Variants in ERBB4 observed in about 807,000 individuals in gnomAD.
The protein encoded by ERBB4 is erb-b2 receptor tyrosine kinase 4.
Under a neutral mutation model 158.0 loss-of-function variants are expected in ERBB4, and 42 were observed. The ratio of observed to expected loss-of-function variants is 0.27; its 90% CI spans 0.21 to 0.34. ERBB4 has a LOEUF of 0.34. Ranked by LOEUF, ERBB4 falls within the 10% of genes least tolerant of loss-of-function variation. The pLI is 1.00. For synonymous variants in ERBB4, 583 were observed against 558.7 expected, an observed-to-expected ratio of 1.04 and a Z score of -0.61; for missense variants, 1,333 against 1,624.1, an observed-to-expected ratio of 0.82 and a Z score of 3.08.
chr2:212,501,854 T>C (rs1021727764), intron 1 of ERBB4, among the ~76,000 whole-genome samples: 6 of 152,112 alleles, frequency 3.9e-5, no homozygotes, highest in Admixed American at 3.3e-4. Context: ...AAGAAAGCCA[T>C]CGAAATATAA....
intron 16 of ERBB4, among the ~76,000 whole-genome samples, chr2:211,637,963 G>T (rs1412641498): frequency 6.6e-6 from 1 of 151,688 alleles, no homozygotes; most frequent in South Asian, 2.1e-4. Context: ...TTATTTAGGG[G>T]TTTTCATAGA....
At chr2:212,123,744 T>C (rs2079832281) in intron 2 of ERBB4, among the ~76,000 whole-genome samples, 1 of 152,100 alleles carries the variant, frequency 6.6e-6, no homozygotes, top group Non-Finnish European at 1.5e-5. Flanking sequence ...ACATTGAAAA[T>C]ATTTAAATAT....
At chr2:211,432,089 G>C (rs1329368931) in intron 20 of ERBB4, among the ~76,000 whole-genome samples, 1 of 152,148 alleles carries the variant, frequency 6.6e-6, no homozygotes, top group Non-Finnish European at 1.5e-5. Context: ...AGTGTTAGGG[G>C]AAATTCTATA....
chr2:211,540,205 T>TATATACACAC (rs60602351), intron 20 of ERBB4, among the ~76,000 whole-genome samples: 28 of 147,838 alleles, frequency 1.9e-4, no homozygotes, highest in South Asian at 4.3e-4. Context: ...TATATATATA[T>TATATACACAC]ACACACACAC....
intron 3 of ERBB4, among the ~76,000 whole-genome samples, chr2:211,904,882 G>A (rs1163819873): frequency 2.6e-5 from 4 of 152,156 alleles, no homozygotes; most frequent in Admixed American, 2.6e-4. Context: ...TTTTGTTGTT[G>A]TTGTTGTTTA....
chr2:212,234,744 T>G (rs2083793997), intron 1 of ERBB4, among the ~76,000 whole-genome samples: 1 of 152,190 alleles, frequency 6.6e-6, no homozygotes, highest in Non-Finnish European at 1.5e-5. Context: ...GATGATGAGC[T>G]TTTTTCATAT....
intron 1 of ERBB4, among the ~76,000 whole-genome samples, chr2:212,210,102 A>G (rs2082886472): frequency 6.6e-6 from 1 of 151,986 alleles, no homozygotes; most frequent in Non-Finnish European, 1.5e-5. Context: ...TCATCAAATA[A>G]CCTATCATAA....
chr2:211,773,628 A>ATAT (rs1553630460), intron 4 of ERBB4, among the ~76,000 whole-genome samples: 27 of 52,046 alleles, frequency 5.2e-4, no homozygotes, highest in African/African-American at 2.5e-3. Flanking sequence ...ATATATATAT[A>ATAT]TATATATATA....
intron 3 of ERBB4, among the ~76,000 whole-genome samples, chr2:211,856,586 A>G (rs961135016): frequency 1.3e-5 from 2 of 151,556 alleles, no homozygotes; most frequent in Non-Finnish European, 2.9e-5. Flanking sequence ...ACGGGGTTTC[A>G]CCGTGTTAGC....
intron 20 of ERBB4, among the ~76,000 whole-genome samples, chr2:211,549,258 A>G (rs1016230173): frequency 6.6e-6 from 1 of 152,144 alleles, no homozygotes; most frequent in Admixed American, 6.5e-5. Flanking sequence ...TGTCTGAGAA[A>G]TTGACTTATT....
chr2:211,804,253 A>G (rs114262003), intron 3 of ERBB4, among the ~76,000 whole-genome samples: 6,504 of 152,360 alleles, frequency 0.043, 247 homozygotes, highest in Non-Finnish European at 0.064. Context: ...AGGTTAAATT[A>G]TAATTTAGAA....
intron 2 of ERBB4, among the ~76,000 whole-genome samples, chr2:212,073,089 A>G (rs990480797): frequency 6.6e-6 from 1 of 151,868 alleles, no homozygotes; most frequent in African/African-American, 2.4e-5. Flanking sequence ...GAGAACCAGT[A>G]TGGAGGCCTG....
chr2:212,479,945 T>C (rs951159242), intron 1 of ERBB4, among the ~76,000 whole-genome samples: 1 of 152,102 alleles, frequency 6.6e-6, no homozygotes, highest in Admixed American at 6.6e-5. Context: ...CCTGCATTTA[T>C]GATAATTCTA....
chr2:211,586,640 G>A (rs2068288689), intron 19 of ERBB4, among the ~76,000 whole-genome samples: 1 of 152,116 alleles, frequency 6.6e-6, no homozygotes, highest in Non-Finnish European at 1.5e-5. Context: ...CATGGTGACT[G>A]GAAATGTAGG....
intron 1 of ERBB4, among the ~76,000 whole-genome samples, chr2:212,392,436 C>T (rs1042711382): frequency 5.9e-5 from 9 of 151,938 alleles, no homozygotes; most frequent in Non-Finnish European, 1.0e-4. Flanking sequence ...GATAAATTTT[C>T]GAAATTACTT....
intron 25 of ERBB4, among the ~76,000 whole-genome samples, chr2:211,414,282 G>A (rs1459018950): frequency 6.6e-6 from 1 of 152,104 alleles, no homozygotes; most frequent in Non-Finnish European, 1.5e-5. Context: ...CGAATCACTT[G>A]AGGTCAGAAA....
chr2:211,736,538 C>T (rs1161178446), intron 5 of ERBB4, among the ~76,000 whole-genome samples: 1 of 152,160 alleles, frequency 6.6e-6, no homozygotes, highest in African/African-American at 2.4e-5. Flanking sequence ...AGAAACCGAT[C>T]TCTGTGCTCT....
intron 1 of ERBB4, among the ~76,000 whole-genome samples, chr2:212,431,003 T>C: frequency 6.6e-6 from 1 of 152,100 alleles, no homozygotes; most frequent in Non-Finnish European, 1.5e-5. Context: ...TGCTTTTCCT[T>C]AGAAGGAAAC....
chr2:211,956,146 C>T (rs2081022843), intron 2 of ERBB4, among the ~76,000 whole-genome samples: 1 of 151,416 alleles, frequency 6.6e-6, no homozygotes, highest in African/African-American at 2.4e-5. Context: ...TCTTTAATAA[C>T]TATTTAAAAT....
Sources: gnomAD v4.1 joint callset for allele counts (sites outside exome capture counted in the v4.1 genomes callset) on GRCh38, gnomAD v4.1.1 for gene constraint, MANE v1.5 for transcripts, NCBI Gene and HGNC (gene_info 2026-07-23, HGNC 2026-07-21) for gene names.